The following XPR1 variants were observed in gnomAD, a reference collection of about 807,000 sequenced individuals.
The protein encoded by XPR1 is solute carrier family 53 member 1.
In XPR1, 28 loss-of-function variants were observed where a neutral mutation model predicts 87.5. The observed-to-expected ratio is 0.32, with a 90% CI of 0.24 to 0.44. The LOEUF (loss-of-function observed/expected upper bound fraction) is 0.44, where lower values mean the gene tolerates loss of function less well. Among genes scored for constraint, XPR1 ranks in the 20% least tolerant of loss-of-function variants. XPR1 has a pLI of 1.00. For synonymous variants in XPR1, 300 were observed against 306.1 expected, an observed-to-expected ratio of 0.98 and a Z score of 0.21; for missense variants, 559 against 862.3, an observed-to-expected ratio of 0.65 and a Z score of 4.41.
intron 1 of XPR1, among the ~76,000 whole-genome samples, chr1:180,638,671 C>T (rs1654864529): frequency 6.6e-6 from 1 of 152,106 alleles, no homozygotes; most frequent in South Asian, 2.1e-4. Flanking sequence ...AAAACACACA[C>T]ACCCCAAATT....
chr1:180,634,650 A>G (rs1237196262), intron 1 of XPR1, among the ~76,000 whole-genome samples: 1 of 152,128 alleles, frequency 6.6e-6, no homozygotes, highest in Non-Finnish European at 1.5e-5. Flanking sequence ...TTGTTTTTCA[A>G]GCACTGGTGG....
intron 1 of XPR1, among the ~76,000 whole-genome samples, chr1:180,645,395 C>T (rs574611521): frequency 4.2e-4 from 64 of 152,260 alleles, no homozygotes; most frequent in African/African-American, 1.5e-3. Flanking sequence ...GTTCACTTGT[C>T]GCTCCCATAA....
At chr1:180,679,185 A>G (rs959021856) in intron 1 of XPR1, among the ~76,000 whole-genome samples, 1 of 150,842 alleles carries the variant, frequency 6.6e-6, no homozygotes, top group Non-Finnish European at 1.5e-5. Flanking sequence ...ACAGAGCGAG[A>G]CTCCATCTCA....
intron 2 of XPR1, among the ~76,000 whole-genome samples, chr1:180,764,121 G>A (rs1296741472): frequency 6.6e-6 from 1 of 152,168 alleles, no homozygotes; most frequent in African/African-American, 2.4e-5. Flanking sequence ...TGGGATTGAT[G>A]GTGATGCCAA....
chr1:180,683,649 AT>A (rs1656664973), intron 2 of XPR1, among the ~76,000 whole-genome samples: 4 of 151,958 alleles, frequency 2.6e-5, no homozygotes, highest in South Asian at 2.1e-4. Context: ...CTTTTTAATG[AT>A]CATCATTCTA....
chr1:180,730,102 C>T (rs551158978), intron 2 of XPR1, among the ~76,000 whole-genome samples: 6 of 152,292 alleles, frequency 3.9e-5, no homozygotes, highest in East Asian at 3.9e-4. Context: ...CAGTCTTCTG[C>T]GTATGGCTAC....
intron 2 of XPR1, among the ~76,000 whole-genome samples, chr1:180,736,956 G>T (rs561317424): frequency 6.6e-6 from 1 of 152,186 alleles, no homozygotes; most frequent in African/African-American, 2.4e-5. Flanking sequence ...TCAAGCAGCC[G>T]CAAGATGGTG....
chr1:180,705,030 A>C (rs1214587461), intron 2 of XPR1, among the ~76,000 whole-genome samples: 1 of 151,740 alleles, frequency 6.6e-6, no homozygotes, highest in Non-Finnish European at 1.5e-5. Flanking sequence ...TATTCTTTAA[A>C]GCTTAAAGTC....
chr1:180,657,319 T>C (rs2101912632), intron 1 of XPR1, among the ~76,000 whole-genome samples: 1 of 152,336 alleles, frequency 6.6e-6, no homozygotes, highest in South Asian at 2.1e-4. Flanking sequence ...TTTGTCCATT[T>C]TGCTTTGGTT....
chr1:180,747,820 A>C (rs979687069), intron 2 of XPR1, among the ~76,000 whole-genome samples: 8 of 152,218 alleles, frequency 5.3e-5, no homozygotes, highest in Admixed American at 5.2e-4. Context: ...TCCAATTCCC[A>C]TGAAGCATGC....
chr1:180,754,420 CAA>C (rs1335698443), intron 2 of XPR1, among the ~76,000 whole-genome samples: 1 of 151,862 alleles, frequency 6.6e-6, no homozygotes, highest in African/African-American at 2.4e-5. Flanking sequence ...ATATGAAACC[CAA>C]GTTTGTCCTG....
intron 2 of XPR1, among the ~76,000 whole-genome samples, chr1:180,705,235 ATTGT>A (rs1004800461): frequency 5.1e-4 from 77 of 152,246 alleles, no homozygotes; most frequent in African/African-American, 1.6e-3. Flanking sequence ...AAGGTGAAAG[ATTGT>A]TTGTCACCTT....
chr1:180,789,084 G>A (rs1306052974), intron 3 of XPR1, among the ~76,000 whole-genome samples: 1 of 152,194 alleles, frequency 6.6e-6, no homozygotes, highest in Non-Finnish European at 1.5e-5. Context: ...GCTGCCAGAA[G>A]ACAAGAGACT....
intron 1 of XPR1, among the ~76,000 whole-genome samples, chr1:180,645,267 G>C (rs187931207): frequency 6.6e-6 from 1 of 152,350 alleles, no homozygotes; most frequent in African/African-American, 2.4e-5. Context: ...GGGAGGTAAT[G>C]CTTAAATTCT....
chr1:180,781,290 C>T (rs776992629), intron 2 of XPR1, among the ~76,000 whole-genome samples: 19 of 151,420 alleles, frequency 1.3e-4, no homozygotes, highest in East Asian at 1.2e-3. Context: ...TTGGGTATGT[C>T]GTCTATACAG....
At chr1:180,638,976 G>A (rs1260758711) in intron 1 of XPR1, among the ~76,000 whole-genome samples, 1 of 152,138 alleles carries the variant, frequency 6.6e-6, no homozygotes, top group Non-Finnish European at 1.5e-5. Context: ...AGCAAGTGTG[G>A]TATGTATAGG....
In XPR1 at chr1:180,632,210, C is replaced by T. The variant is rs376959497; in HGVS notation, c.9C>T (p.Phe3=). 4 of 1,609,344 alleles carry T rather than the reference C, an allele frequency of 2.5e-6. No homozygotes were observed. Among genetic ancestry groups the T allele is most frequent in the Non-Finnish European group, 3.4e-6 (4 of 1,177,820 alleles). ...GAGGGGGAAACGGCAGGATGAAGTT[C>T]GCCGAGCACCTCTCCGCGCACATCA... MK[F]AEHLSAHITP... is the part of the protein sequence containing the mutation. Residue 3 remains phenylalanine, a synonymous_variant, in exon 1 of 15, where the codon TTC becomes TTT. Transcript: ENST00000367590.
intron 11 of XPR1, among the ~76,000 whole-genome samples, chr1:180,849,154 T>C (rs982976284): frequency 6.6e-6 from 1 of 152,194 alleles, no homozygotes; most frequent in Admixed American, 6.5e-5. Context: ...CCCCTTTAGC[T>C]CTTTACATTC....
At position 180,661,679 on chromosome 1, in the gene XPR1, G is replaced by C. The variant is rs147529105; in HGVS notation, c.70-20681G>C. 2.1e-3 allele frequency among the ~76,000 whole-genome samples: 324 copies of C among 152,194 alleles called. 1 individual carries two copies. Among genetic ancestry groups the C allele is most frequent in the African/African-American group, 7.5e-3 (310 of 41,516 alleles). On this transcript the variant is annotated intron_variant, in intron 1 of 14. Transcript: ENST00000367590. ...GAGGTCAGGAGTTCAAGACCAGCCT[G>C]GCTAACATGGTGAAACCCAGTCTGT...
Sources: allele counts gnomAD v4.1 joint callset (sites outside exome capture counted in the v4.1 genomes callset), GRCh38; gene constraint gnomAD v4.1.1; transcripts MANE v1.5; gene names NCBI Gene and HGNC (gene_info 2026-07-23, HGNC 2026-07-21).